The following CFAP210 variants were observed in gnomAD, a reference collection of about 807,000 sequenced individuals.
The protein encoded by CFAP210 is cilia- and flagella- associated protein 210.
the CFAP210 span, among the ~76,000 whole-genome samples, chr2:169,651,768 AT>A: frequency 6.6e-6 from 1 of 152,200 alleles, no homozygotes; most frequent in South Asian, 2.1e-4. Flanking sequence ...AATAAAAGTT[AT>A]CAAAATCCTA....
the CFAP210 span, among the ~76,000 whole-genome samples, chr2:169,671,489 A>T: frequency 0.011 from 1,694 of 152,200 alleles, 34 homozygotes; most frequent in African/African-American, 0.039. Context: ...TCTTTTTGAG[A>T]TGGAGTGTCG....
chr2:169,667,140 TTC>T, the CFAP210 span, among the ~76,000 whole-genome samples: 496 of 55,208 alleles, frequency 9.0e-3, 7 homozygotes, highest in African/African-American at 0.019. Context: ...ATTTTCTTTT[TTC>T]TTTTTTTTTT....
chr2:169,685,559 T>G, the CFAP210 span, among the ~76,000 whole-genome samples: 1 of 152,178 alleles, frequency 6.6e-6, no homozygotes, highest in Non-Finnish European at 1.5e-5. Context: ...TGGATGTATT[T>G]GCACTTTTTG....
chr2:169,646,003 T>C, the CFAP210 span: 23 of 1,613,876 alleles, frequency 1.4e-5, no homozygotes, highest in Non-Finnish European at 1.9e-5. Flanking sequence ...CTCCAGGTCC[T>C]TCCTGTACAG....
At chr2:169,646,244 T>A in the CFAP210 span, 1 of 1,194,296 alleles carries the variant, frequency 8.4e-7, no homozygotes, top group Non-Finnish European at 1.2e-6. Context: ...TTTCTAAATA[T>A]ACATAGCATT....
At chr2:169,662,483 G>T in the CFAP210 span, 1 of 1,462,364 alleles carries the variant, frequency 6.8e-7, no homozygotes, top group East Asian at 2.3e-5. Flanking sequence ...AGAAAAATAG[G>T]TTATATTTTT....
the CFAP210 span, among the ~76,000 whole-genome samples, chr2:169,692,039 A>T: frequency 6.6e-6 from 1 of 152,204 alleles, no homozygotes. Flanking sequence ...CTTCTTTCTT[A>T]AACAGAGTCT....
At chr2:169,655,149 A>G in the CFAP210 span, among the ~76,000 whole-genome samples, 1 of 152,178 alleles carries the variant, frequency 6.6e-6, no homozygotes, top group East Asian at 1.9e-4. Context: ...ATATTAGTAT[A>G]TTCTGTTATT....
the CFAP210 span, among the ~76,000 whole-genome samples, chr2:169,691,915 T>C: frequency 6.6e-6 from 1 of 152,180 alleles, no homozygotes; most frequent in Non-Finnish European, 1.5e-5. Context: ...CAGACATATC[T>C]TTGGATGACT....
chr2:169,648,490 AACTC>A, the CFAP210 span, among the ~76,000 whole-genome samples: 3 of 152,222 alleles, frequency 2.0e-5, no homozygotes, highest in Non-Finnish European at 4.4e-5. Flanking sequence ...AATTTTAAAA[AACTC>A]AGCACTAAGA....
At chr2:169,658,759 C>A in the CFAP210 span, 2 of 316,986 alleles carry the variant, frequency 6.3e-6, no homozygotes, top group South Asian at 6.0e-5. Flanking sequence ...TTAGTCTGAT[C>A]ATTCAAATGT....
chr2:169,651,815 T>C, the CFAP210 span, among the ~76,000 whole-genome samples: 1 of 152,186 alleles, frequency 6.6e-6, no homozygotes, highest in Non-Finnish European at 1.5e-5. Context: ...GTCTGGAATT[T>C]ATTCACAGCA....
chr2:169,676,408 T>C, the CFAP210 span, among the ~76,000 whole-genome samples: 1 of 151,990 alleles, frequency 6.6e-6, no homozygotes, highest in East Asian at 1.9e-4. Context: ...TATCCCTTTA[T>C]GTACCAGGGA....
At chr2:169,661,631 T>C in the CFAP210 span, among the ~76,000 whole-genome samples, 28 of 152,196 alleles carry the variant, frequency 1.8e-4, no homozygotes, top group Non-Finnish European at 1.5e-5. Context: ...ACCCCATTCA[T>C]TCCTCACAAC....
chr2:169,647,592 C>T, the CFAP210 span, among the ~76,000 whole-genome samples: 1 of 151,960 alleles, frequency 6.6e-6, no homozygotes, highest in Non-Finnish European at 1.5e-5. Flanking sequence ...CTAAGAGGAA[C>T]CAAGTATTTG....
At chr2:169,684,628 A>G in the CFAP210 span, among the ~76,000 whole-genome samples, 61,989 of 152,030 alleles carry the variant, frequency 0.41, 12,926 homozygotes, top group Non-Finnish European at 0.44. Flanking sequence ...TGTAGAATGT[A>G]TCAATACTTG....
the CFAP210 span, among the ~76,000 whole-genome samples, chr2:169,646,553 A>C: frequency 6.6e-6 from 1 of 152,198 alleles, no homozygotes; most frequent in African/African-American, 2.4e-5. Context: ...ACTATTCTGG[A>C]GGAATTCACT....
At chr2:169,660,413 A>C in the CFAP210 span, among the ~76,000 whole-genome samples, 1 of 126,828 alleles carries the variant, frequency 7.9e-6, no homozygotes, top group East Asian at 2.0e-4. Context: ...TCAACTTTTC[A>C]TTTCACTGTT....
the CFAP210 span, among the ~76,000 whole-genome samples, chr2:169,657,956 TAATAA>T: frequency 1.3e-5 from 2 of 151,874 alleles, no homozygotes; most frequent in South Asian, 4.2e-4. Context: ...CCTTAAAAAA[TAATAA>T]AATAAATAAA....
Sources: gnomAD v4.1 joint callset for allele counts (sites outside exome capture counted in the v4.1 genomes callset) on GRCh38, gnomAD v4.1.1 for gene constraint, MANE v1.5 for transcripts, NCBI Gene and HGNC (gene_info 2026-07-23, HGNC 2026-07-21) for gene names.